CCDC181: variants seen among roughly 807,000 people sequenced by gnomAD.
CCDC181 encodes coiled-coil domain-containing protein 181.
A neutral mutation model predicts 58.7 loss-of-function variants in CCDC181; 35 were observed. The observed-to-expected ratio is 0.60, with a 90% CI of 0.46 to 0.79. The LOEUF (loss-of-function observed/expected upper bound fraction) is 0.79, where lower values mean the gene tolerates loss of function less well. CCDC181 is among the 30% of genes least tolerant of loss of function. The probability of loss-of-function intolerance (pLI) is 0.00; values close to 1 mark genes in which losing one functional copy is unlikely to be tolerated. For synonymous variants in CCDC181, 183 were observed against 197.5 expected, an observed-to-expected ratio of 0.93 and a Z score of 0.62; for missense variants, 517 against 583.9, an observed-to-expected ratio of 0.89 and a Z score of 1.18.
At chr1:169,429,743 A>T (rs1465950695), upstream of CCDC181, among the ~76,000 whole-genome samples, 3 of 151,694 alleles carry the variant, frequency 2.0e-5, no homozygotes, top group African/African-American at 7.3e-5. Flanking sequence ...ATTTTCTCCC[A>T]CTCTGTGGGT....
intron 4 of CCDC181, among the ~76,000 whole-genome samples, chr1:169,411,408 C>T (rs1345235315): frequency 1.3e-5 from 2 of 152,052 alleles, no homozygotes; most frequent in Admixed American, 6.6e-5. Context: ...AGCCTACCAA[C>T]CAAAAAAAGC....
At chr1:169,419,798 A>G (rs2102086489) in intron 3 of CCDC181, among the ~76,000 whole-genome samples, 1 of 152,348 alleles carries the variant, frequency 6.6e-6, no homozygotes, top group South Asian at 2.1e-4. Context: ...CACAGAAGCT[A>G]TCAGCCAAAG....
At chr1:169,433,900 A>G (rs995629663) in intron 2 of CCDC181, among the ~76,000 whole-genome samples, 3 of 152,088 alleles carry the variant, frequency 2.0e-5, no homozygotes, top group African/African-American at 7.2e-5. Context: ...AAGCACATGC[A>G]AAAGTAAACA....
intron 4 of CCDC181, among the ~76,000 whole-genome samples, chr1:169,402,784 A>G (rs1360938835): frequency 6.6e-6 from 1 of 152,236 alleles, no homozygotes; most frequent in African/African-American, 2.4e-5. Flanking sequence ...TCATAATGAC[A>G]GGACCAAATA....
intron 4 of CCDC181, among the ~76,000 whole-genome samples, chr1:169,403,611 A>G (rs1263087526): frequency 1.3e-5 from 2 of 152,236 alleles, no homozygotes; most frequent in African/African-American, 2.4e-5. Context: ...TTTGAAACCA[A>G]TGAGAACAAA....
chr1:169,445,084 C>A (rs1271822195), intron 2 of CCDC181, among the ~76,000 whole-genome samples: 1 of 152,156 alleles, frequency 6.6e-6, no homozygotes. Flanking sequence ...AGCCATGTTT[C>A]TTCCTCAAGT....
At chr1:169,397,063 A>G (rs1334528679) in intron 5 of CCDC181, among the ~76,000 whole-genome samples, 174 bp downstream of exon 5, 1 of 150,874 alleles carries the variant, frequency 6.6e-6, no homozygotes, top group Non-Finnish European at 1.5e-5. Context: ...TATAATATAT[A>G]TAATAGAGTT....
intron 2 of CCDC181, among the ~76,000 whole-genome samples, chr1:169,456,833 A>T (rs1657686789): frequency 6.6e-6 from 1 of 152,172 alleles, no homozygotes. Context: ...AAACAAAAGA[A>T]ACTGGACTCA....
upstream of CCDC181, among the ~76,000 whole-genome samples, chr1:169,429,655 G>A (rs139859881): frequency 2.6e-5 from 4 of 151,926 alleles, no homozygotes; most frequent in South Asian, 2.1e-4. Flanking sequence ...GAGCTTATTC[G>A]TTTTTTCCTT....
chr1:169,432,716 T>C (rs979718619), intron 2 of CCDC181, among the ~76,000 whole-genome samples: 1 of 152,120 alleles, frequency 6.6e-6, no homozygotes, highest in African/African-American at 2.4e-5. Context: ...ATCGATGCAG[T>C]ATTCTACATT....
intron 2 of CCDC181, among the ~76,000 whole-genome samples, chr1:169,445,131 G>T (rs541642890): frequency 6.6e-6 from 1 of 152,132 alleles, no homozygotes; most frequent in South Asian, 2.1e-4. Flanking sequence ...ACTTCCTCCT[G>T]CCTGGAACGA....
At chr1:169,403,211 T>C (rs1192892583) in intron 4 of CCDC181, among the ~76,000 whole-genome samples, 2 of 152,152 alleles carry the variant, frequency 1.3e-5, no homozygotes, top group African/African-American at 4.8e-5. Flanking sequence ...ACATTAATAA[T>C]GGGAGACTTT....
intron 3 of CCDC181, 94 bp downstream of exon 3, chr1:169,421,269 T>C: frequency 1.1e-6 from 1 of 951,952 alleles, no homozygotes; most frequent in African/African-American, 1.7e-5. Context: ...AAAAAAAGTC[T>C]CCAATGGTTT....
chr1:169,418,987 T>C, intron 4 of CCDC181, 26 bp downstream of exon 4: 4 of 1,575,172 alleles, frequency 2.5e-6, no homozygotes, highest in Non-Finnish European at 3.5e-6. Context: ...CTGTATGAAC[T>C]TATTTTTCAG....
chr1:169,401,501 G>T (rs932157420), intron 4 of CCDC181, among the ~76,000 whole-genome samples: 2 of 152,210 alleles, frequency 1.3e-5, no homozygotes, highest in African/African-American at 4.8e-5. Context: ...AATATTTGCT[G>T]TTCTGCAGCC....
chr1:169,401,905 G>GA lies in CCDC181; in HGVS notation c.1216-4515dup, dbSNP rs1234966660. ...CCATCGCAAAGAAGCTAAAAACCTT[G>GA]AAAAAAAGATTAGACGAATGGCTAA... On this transcript the variant is annotated intron_variant, in intron 4 of 5. Transcript: ENST00000367806. 2.6e-5 allele frequency among the ~76,000 whole-genome samples: 4 copies of GA among 152,060 alleles called. No homozygotes were observed. The South Asian group carries it at 8.3e-4, about 32-fold the overall frequency.
intron 4 of CCDC181, among the ~76,000 whole-genome samples, chr1:169,400,809 G>A (rs1248688400): frequency 6.6e-6 from 1 of 152,164 alleles, no homozygotes; most frequent in African/African-American, 2.4e-5. Flanking sequence ...TCTCACTGGG[G>A]CTTGTCAGAC....
intron 2 of CCDC181, among the ~76,000 whole-genome samples, chr1:169,438,389 G>A (rs1210753871): frequency 6.6e-6 from 1 of 152,058 alleles, no homozygotes; most frequent in Non-Finnish European, 1.5e-5. Flanking sequence ...TAAGAATGGA[G>A]CAGTTTTTGA....
intron 4 of CCDC181, 33 bp downstream of exon 4, chr1:169,418,980 T>C: frequency 6.5e-7 from 1 of 1,535,916 alleles, no homozygotes; most frequent in Non-Finnish European, 9.0e-7. Flanking sequence ...TTCATATCTG[T>C]ATGAACTTAT....
Sources: gnomAD v4.1 joint callset for allele counts (sites outside exome capture counted in the v4.1 genomes callset) on GRCh38, gnomAD v4.1.1 for gene constraint, MANE v1.5 for transcripts, NCBI Gene and HGNC (gene_info 2026-07-23, HGNC 2026-07-21) for gene names.